Variants in RABGAP1 observed in about 807,000 individuals in gnomAD.
RABGAP1 encodes the protein RAB GTPase activating protein 1.
A neutral mutation model predicts 137.6 loss-of-function variants in RABGAP1; 23 were observed. The ratio of observed to expected loss-of-function variants is 0.17; its 90% CI spans 0.12 to 0.24. The LOEUF is 0.24. Ranked by LOEUF, RABGAP1 falls within the 10% of genes least tolerant of loss-of-function variation. The pLI, the probability that RABGAP1 is intolerant of heterozygous loss-of-function variation, is 1.00. For missense variants in RABGAP1, 906 were observed against 1,275.8 expected (o/e 0.71, Z 4.42); for synonymous variants, 451 against 450.7 (o/e 1.00, Z -0.01).
chr9:122,998,839 C>A, intron 10 of RABGAP1, 73 bp downstream of exon 10: 1 of 993,148 alleles, frequency 1.0e-6, no homozygotes, highest in Non-Finnish European at 1.4e-6. Context: ...GATTTCTAAG[C>A]CCTCAGATCT....
intron 1 of RABGAP1, among the ~76,000 whole-genome samples, chr9:122,956,050 G>A (rs1466222436): frequency 6.6e-6 from 1 of 152,160 alleles, no homozygotes; most frequent in Non-Finnish European, 1.5e-5. Flanking sequence ...ATAAATAATT[G>A]AATGAATTTT....
chr9:122,974,838 A>G (rs1835682177), intron 2 of RABGAP1, among the ~76,000 whole-genome samples: 1 of 152,194 alleles, frequency 6.6e-6, no homozygotes, highest in South Asian at 2.1e-4. Context: ...GAGTAAGATA[A>G]AAAGACTGAT....
intron 2 of RABGAP1, 29 bp downstream of exon 2, chr9:122,957,238 G>T: frequency 6.8e-7 from 1 of 1,473,070 alleles, no homozygotes; most frequent in Non-Finnish European, 9.2e-7. Flanking sequence ...AGATTGTTTT[G>T]CTTAGCTTTT....
chr9:122,997,581 CTTTT>C (rs1837096893), intron 9 of RABGAP1, among the ~76,000 whole-genome samples: 2 of 77,656 alleles, frequency 2.6e-5, no homozygotes, highest in African/African-American at 5.0e-5. Context: ...TCCCCTCTTT[CTTTT>C]CTTTCTTTCT....
intron 12 of RABGAP1, among the ~76,000 whole-genome samples, chr9:123,016,235 A>G (rs2031218621): frequency 6.6e-6 from 1 of 152,178 alleles, no homozygotes; most frequent in Middle Eastern, 3.2e-3. Context: ...GGATGGGTGT[A>G]GTGGTTCATG....
intron 10 of RABGAP1, among the ~76,000 whole-genome samples, chr9:123,000,158 T>C (rs1837244943): frequency 2.0e-5 from 3 of 152,230 alleles, no homozygotes; most frequent in African/African-American, 4.8e-5. Flanking sequence ...CATTTTTGTT[T>C]CTTTGTAATT....
intron 13 of RABGAP1, among the ~76,000 whole-genome samples, chr9:123,056,979 T>C (rs2033731146): frequency 6.6e-6 from 1 of 152,196 alleles, no homozygotes; most frequent in African/African-American, 2.4e-5. Context: ...CCGTTCTCAA[T>C]GAGCTATTGG....
At chr9:122,962,548 T>C (rs1158904272) in intron 2 of RABGAP1, among the ~76,000 whole-genome samples, 2 of 151,958 alleles carry the variant, frequency 1.3e-5, no homozygotes, top group African/African-American at 4.8e-5. Flanking sequence ...AAATAGTACA[T>C]TGTAAGTTCC....
At chr9:122,996,423 A>G in intron 7 of RABGAP1, 116 bp from the exon 8 acceptor site, 1 of 1,133,000 alleles carries the variant, frequency 8.8e-7, no homozygotes, top group East Asian at 2.5e-5. Flanking sequence ...AAATTTATTG[A>G]TAACTCTAAT....
At chr9:122,980,673 G>A (rs1291809078) in intron 2 of RABGAP1, among the ~76,000 whole-genome samples, 2 of 152,186 alleles carry the variant, frequency 1.3e-5, no homozygotes, top group Non-Finnish European at 2.9e-5. Flanking sequence ...CCTCTCTAGT[G>A]GAGATAGGCA....
At chr9:122,989,257 A>G (rs1464623343) in intron 4 of RABGAP1, 40 bp from the exon 5 acceptor site, 4 of 1,552,932 alleles carry the variant, frequency 2.6e-6, no homozygotes, top group Admixed American at 1.7e-5. Context: ...CAGATTGTTC[A>G]TAATTCCTGT....
At chr9:122,942,347 A>G (rs1833629352) in intron 1 of RABGAP1, among the ~76,000 whole-genome samples, 1 of 152,166 alleles carries the variant, frequency 6.6e-6, no homozygotes, top group Non-Finnish European at 1.5e-5. Context: ...GCTATTTAAT[A>G]TGTATTGAAG....
chr9:123,053,744 T>C (rs2033584409), intron 13 of RABGAP1, among the ~76,000 whole-genome samples: 1 of 152,222 alleles, frequency 6.6e-6, no homozygotes, highest in Non-Finnish European at 1.5e-5. Flanking sequence ...GAACTAACTT[T>C]TTCTTTGGGC....
rs1156490245 is a variant in RABGAP1, at chr9:122,996,296, A to G, written c.1034+145A>G. On this transcript the variant is annotated intron_variant, in intron 7 of 25. Transcript: ENST00000373647. ...TTTTGTTTACTGAAGTCAGTGCTTC[A>G]TTACTTTGAAATAGCTACTATAAAT... is the stretch of plus-strand genomic sequence containing the variant. 4 of 1,363,988 alleles carry G rather than the reference A, an allele frequency of 2.9e-6. No individual in the cohort carries two copies. In the African/African-American group the frequency reaches 5.9e-5, roughly 20 times the overall value. The allele number at this position is 1,363,988 out of a possible 1,614,324, so 84.5% of individuals were successfully genotyped here.
intron 13 of RABGAP1, among the ~76,000 whole-genome samples, chr9:123,025,245 A>G (rs1379101242): frequency 6.6e-6 from 1 of 152,088 alleles, no homozygotes; most frequent in Non-Finnish European, 1.5e-5. Flanking sequence ...TGTTCTTTGT[A>G]TTATTTGTTT....
intron 2 of RABGAP1, among the ~76,000 whole-genome samples, chr9:122,983,211 AAAG>A (rs1836181103): frequency 6.6e-6 from 1 of 152,228 alleles, no homozygotes; most frequent in Non-Finnish European, 1.5e-5. Flanking sequence ...ACTTCTAAAA[AAAG>A]AAATTCAGTT....
chr9:123,022,411 T>C lies in RABGAP1; in HGVS notation c.1794+1952T>C, dbSNP rs920787211. On this transcript the variant is annotated intron_variant, in intron 13 of 25. Transcript: ENST00000373647. ...TTCACATTAAACTTACAATTTTGTT[T>C]TTCTTTTTGAGACGGAGTCTAGCTC... Among the ~76,000 whole-genome samples the C allele has an allele frequency of 2.0e-5, 3 of 152,314 alleles. No individual in the cohort carries two copies. In the East Asian group the frequency reaches 5.8e-4, roughly 29 times the overall value.
intron 15 of RABGAP1, among the ~76,000 whole-genome samples, chr9:123,071,882 G>A (rs2034368093): frequency 6.6e-6 from 1 of 152,186 alleles, no homozygotes; most frequent in South Asian, 2.1e-4. Flanking sequence ...GTGTATGGGA[G>A]GAACTGAAAG....
intron 19 of RABGAP1, among the ~76,000 whole-genome samples, chr9:123,081,406 A>C (rs1459140622): frequency 4.6e-5 from 7 of 152,160 alleles, no homozygotes; most frequent in Admixed American, 1.3e-4. Context: ...ATGCCAGTCT[A>C]GGAAAAAGAT....
Sources: allele counts gnomAD v4.1 joint callset (sites outside exome capture counted in the v4.1 genomes callset), GRCh38; gene constraint gnomAD v4.1.1; transcripts MANE v1.5; gene names NCBI Gene and HGNC (gene_info 2026-07-23, HGNC 2026-07-21).